Variants in TACC2 observed in about 807,000 individuals in gnomAD.
The protein encoded by TACC2 is transforming acidic coiled-coil containing protein 2, also known as transforming acidic coiled-coil-containing protein 2.
TACC2 carries 137 observed loss-of-function variants against 227.3 expected under a neutral mutation model. That is an observed-to-expected ratio of 0.60 (90% CI 0.52 to 0.69). The LOEUF (loss-of-function observed/expected upper bound fraction) is 0.69, where lower values mean the gene tolerates loss of function less well. TACC2 is among the 30% of genes least tolerant of loss of function. The pLI is 0.00. For missense variants in TACC2, 3,470 were observed against 3,694.4 expected (o/e 0.94, Z 1.57); for synonymous variants, 1,523 against 1,487.5 (o/e 1.02, Z -0.55).
chr10:122,098,967 C>T (rs1339777376), intron 5 of TACC2, among the ~76,000 whole-genome samples: 1 of 152,188 alleles, frequency 6.6e-6, no homozygotes, highest in Non-Finnish European at 1.5e-5. Context: ...GAATCTAGGG[C>T]TTTGGGGTTA....
At chr10:122,065,080 T>C (rs1222298190) in intron 3 of TACC2, among the ~76,000 whole-genome samples, 3 of 152,186 alleles carry the variant, frequency 2.0e-5, no homozygotes, top group Non-Finnish European at 4.4e-5. Flanking sequence ...CGGATACTTG[T>C]TGATTTAAAA....
chr10:122,088,336 G>A, intron 4 of TACC2, 142 bp from the exon 5 acceptor site: 1 of 726,336 alleles, frequency 1.4e-6, no homozygotes, highest in Non-Finnish European at 2.2e-6. Flanking sequence ...ATTTAGTCAG[G>A]GGGCCCTTTT....
At position 122,107,230 on chromosome 10, in the gene TACC2, C is replaced by T. The variant is rs866819162; in HGVS notation, c.5573+18639C>T. Among the ~76,000 whole-genome samples, 9 of 152,314 alleles carry T rather than the reference C, an allele frequency of 5.9e-5. 1 individual carries two copies. The Middle Eastern group carries it at 0.017, about 288-fold the overall frequency. ...ATTTCTCCAAGTGTGCTCTGAAAAG[C>T]ATCTCCATCAGAATTATCTACAGGC... On this transcript the variant is annotated intron_variant, in intron 5 of 22. Transcript: ENST00000369005.
Position 122,087,814 on chromosome 10 carries a change from C to G in TACC2, c.5314C>G (p.Pro1772Ala), listed in dbSNP as rs772979275. Residue 1772 changes from proline to alanine, a missense_variant, in exon 4 of 23, where the codon CCC becomes GCC. This residue lies in a region of TACC2 where 1,924 missense variants were observed against 1,978.3 expected (regional missense o/e 0.97). Transcript: ENST00000369005. Reference protein sequence around the residue: ...AALHGDSPARPQQAKEQPGPE... With the variant: ...AALHGDSPARAQQAKEQPGPE... ...CCTTCATGGGGACAGCCCAGCCAGG[C>G]CCCAGCAGGCTAAGGAGCAGCCAGG... is the stretch of plus-strand genomic sequence containing the variant. 1 of 1,572,426 alleles carries G rather than the reference C, an allele frequency of 6.4e-7. No individual in the cohort carries two copies. The highest frequency in any genetic ancestry group is 8.6e-7 in the Non-Finnish European group (1 of 1,157,908).
At chr10:122,252,136 C>T (rs145489912) in intron 22 of TACC2, among the ~76,000 whole-genome samples, 208 of 152,328 alleles carry the variant, frequency 1.4e-3, no homozygotes, top group African/African-American at 4.9e-3. Context: ...CACTTTCTAA[C>T]GGGTCTGCTG....
chr10:122,160,709 C>T (rs2092768792), intron 7 of TACC2, among the ~76,000 whole-genome samples: 1 of 152,164 alleles, frequency 6.6e-6, no homozygotes, highest in African/African-American at 2.4e-5. Context: ...CGCAAGCATT[C>T]AGTCCATAGC....
intron 6 of TACC2, among the ~76,000 whole-genome samples, chr10:122,139,620 C>T (rs991890763): frequency 6.6e-6 from 1 of 152,218 alleles, no homozygotes; most frequent in Non-Finnish European, 1.5e-5. Context: ...ACTTTCCTTT[C>T]TGCACTTTGC....
In TACC2 at chr10:122,050,544, C is replaced by G; in HGVS notation, c.140C>G (p.Ala47Gly). ...CCCGGAAGCCCTGACCACAGAGACG[C>G]GTCCAGGTAGGAGGCCAGCTCTGGA... ...DTPGSPDHRD[A>G]SSIGSVGLGG... The change falls in exon 3 of 23, where the codon GCG becomes GGG. Residue 47 changes from alanine to glycine, a missense_variant. Ala to Gly is a moderately conservative substitution (Grantham distance 60, BLOSUM62 0). This residue lies in a region of TACC2 where 405 missense variants were observed against 389.6 expected (regional missense o/e 1.04). Coordinates refer to ENST00000369005, the MANE Select transcript of TACC2 (RefSeq NM_206862.4). This position sits in a 1 kb window ranked among gnomAD's most constrained non-coding sequence, Gnocchi z 4.6. 6.2e-7 allele frequency: 1 copy of G among 1,613,300 alleles called. No homozygotes were observed. Among genetic ancestry groups the G allele is most frequent in the South Asian group, 1.1e-5 (1 of 91,032 alleles).
chr10:122,217,099 G>T (rs1227070432), intron 11 of TACC2, among the ~76,000 whole-genome samples: 1 of 152,156 alleles, frequency 6.6e-6, no homozygotes, highest in East Asian at 1.9e-4. Flanking sequence ...AGTGGGTCCT[G>T]AGCGCCCACT....
At chr10:122,055,972 A>C (rs2076175506) in intron 3 of TACC2, among the ~76,000 whole-genome samples, 1 of 152,220 alleles carries the variant, frequency 6.6e-6, no homozygotes, top group African/African-American at 2.4e-5. Context: ...GCCAAGTCCC[A>C]TCCATACCCT....
At chr10:122,002,527 T>G (rs1954523429) in intron 1 of TACC2, among the ~76,000 whole-genome samples, 3 of 152,192 alleles carry the variant, frequency 2.0e-5, no homozygotes. Context: ...TTTAAAATGC[T>G]TTGGAATAAT....
At chr10:122,041,172 A>G (rs886099088) in intron 2 of TACC2, among the ~76,000 whole-genome samples, 1 of 152,206 alleles carries the variant, frequency 6.6e-6, no homozygotes, top group Admixed American at 6.5e-5. Flanking sequence ...TGCTTGACAG[A>G]GGAAAGTGCC....
chr10:122,152,595 T>C (rs2092152049), intron 7 of TACC2, among the ~76,000 whole-genome samples: 1 of 152,238 alleles, frequency 6.6e-6, no homozygotes, highest in Non-Finnish European at 1.5e-5. Flanking sequence ...GATGACATGA[T>C]TCCCTGGTGC....
chr10:122,252,302 C>A (rs2096267849), intron 22 of TACC2, among the ~76,000 whole-genome samples: 1 of 152,130 alleles, frequency 6.6e-6, no homozygotes, highest in Admixed American at 6.5e-5. Context: ...CTCTGAGCCT[C>A]CATTTCCTCA....
intron 3 of TACC2, among the ~76,000 whole-genome samples, chr10:122,067,725 C>T (rs1042926329): frequency 5.3e-5 from 8 of 152,112 alleles, no homozygotes; most frequent in African/African-American, 1.4e-4. Context: ...AGGCTGGTCT[C>T]GAACTCCTGA....
At chr10:122,171,572 G>A (rs1189726767) in intron 7 of TACC2, among the ~76,000 whole-genome samples, 1 of 152,230 alleles carries the variant, frequency 6.6e-6, no homozygotes, top group African/African-American at 2.4e-5. Flanking sequence ...ATAACAGAGG[G>A]TTTAAATCCC....
At chr10:122,253,655 A>G (rs912108660) in intron 22 of TACC2, among the ~76,000 whole-genome samples, 2 of 152,246 alleles carry the variant, frequency 1.3e-5, no homozygotes, top group Non-Finnish European at 2.9e-5. Flanking sequence ...GGGCAAATAA[A>G]GGGAAAGGAA....
intron 5 of TACC2, among the ~76,000 whole-genome samples, chr10:122,108,404 G>C (rs11200400): frequency 8.6e-6 from 1 of 116,830 alleles, no homozygotes; most frequent in Non-Finnish European, 1.9e-5. Context: ...CTCTCTCTAT[G>C]TGTGTGTGTG....
chr10:121,997,178 A>G (rs918530880), intron 1 of TACC2, among the ~76,000 whole-genome samples: 1 of 152,180 alleles, frequency 6.6e-6, no homozygotes, highest in Non-Finnish European at 1.5e-5. Flanking sequence ...ATTGGGGCAC[A>G]TTTGGTTGCA....
Sources: gnomAD v4.1 joint callset for allele counts (sites outside exome capture counted in the v4.1 genomes callset) on GRCh38, gnomAD v4.1.1 for gene constraint, gnomAD v4.1.1 regional missense constraint, Gnocchi (gnomAD v3.1) non-coding constraint, MANE v1.5 for transcripts, NCBI Gene and HGNC (gene_info 2026-07-23, HGNC 2026-07-21) for gene names.